TMEM222: variants seen among roughly 807,000 people sequenced by gnomAD.
The protein encoded by TMEM222 is transmembrane protein 222, also known as chromosome 1 open reading frame 160.
TMEM222 carries 18 observed loss-of-function variants against 25.1 expected under a neutral mutation model. The observed-to-expected ratio is 0.72, with a 90% CI of 0.50 to 1.06. The LOEUF is 1.06. TMEM222 is among the 50% of genes least tolerant of loss of function. The pLI is 0.00. For synonymous variants in TMEM222, 131 were observed against 117.9 expected, an observed-to-expected ratio of 1.11 and a Z score of -0.72; for missense variants, 296 against 293.7, an observed-to-expected ratio of 1.01 and a Z score of -0.06.
At chr1:27,324,603 T>C (rs1466354734) in intron 1 of TMEM222, among the ~76,000 whole-genome samples, 2 of 152,228 alleles carry the variant, frequency 1.3e-5, no homozygotes, top group Non-Finnish European at 2.9e-5. Context: ...AAAGGGTTCA[T>C]GTTCCCTTCT....
rs889744643 is a variant in TMEM222, at chr1:27,335,709, C to G, written c.*243C>G. ...GGCCTGTGACTCCGGCCCTGGAAGC[C>G]CCTTTGTTCTTCTGTTGAAAGGCTT... On this transcript the variant is annotated 3_prime_UTR_variant, in exon 6 of 6. Coordinates refer to ENST00000374076, the MANE Select transcript of TMEM222 (RefSeq NM_032125.3). 18 of 561,782 alleles carry G rather than the reference C, an allele frequency of 3.2e-5. No homozygotes were observed. Among genetic ancestry groups the G allele is most frequent in the Non-Finnish European group, 5.1e-5 (16 of 313,010 alleles). 34.8% of individuals were successfully genotyped at this position (561,782 alleles called of 1,614,324 possible). A position where few individuals can be genotyped will look rare whatever the true frequency, so the allele number is the denominator to read the frequency against.
chr1:27,330,871 G>A, intron 2 of TMEM222, 67 bp downstream of exon 2: 2 of 1,600,412 alleles, frequency 1.2e-6, no homozygotes, highest in East Asian at 4.5e-5. Context: ...TGTCTTGCCT[G>A]CAGGCAGGCT....
At chr1:27,325,474 T>C in intron 1 of TMEM222, 1 of 1,425,554 alleles carries the variant, frequency 7.0e-7, no homozygotes, top group Non-Finnish European at 9.9e-7. Context: ...TTCCTGGGTA[T>C]GGAATCTTGC....
intron 3 of TMEM222, chr1:27,332,663 G>A (rs1279190548): frequency 6.3e-6 from 4 of 634,296 alleles, no homozygotes; most frequent in Admixed American, 2.3e-5. Flanking sequence ...AGTCATCAGT[G>A]TCCTCAGGTG....
chr1:27,333,457 T>G, intron 3 of TMEM222: 3 of 469,278 alleles, frequency 6.4e-6, no homozygotes, highest in Non-Finnish European at 1.3e-5. Context: ...ACAACAGAAA[T>G]GTATTTCTCA....
chr1:27,328,114 G>A (rs1318989467), intron 1 of TMEM222, among the ~76,000 whole-genome samples: 1 of 152,214 alleles, frequency 6.6e-6, no homozygotes, highest in African/African-American at 2.4e-5. Flanking sequence ...AAGCATTGTA[G>A]TGGGATCTGG....
rs1020384827 is a variant in TMEM222, at chr1:27,334,186, G to C, written c.444G>C (p.Val148=). The C allele has an allele frequency of 6.2e-7, 1 of 1,614,084 alleles. No individual in the cohort carries two copies. The highest frequency in any genetic ancestry group is 1.3e-5 in the African/African-American group (1 of 74,942). ...NLCCDNCHSH[V]ALALNLMRYN... is the part of the protein sequence containing the mutation. ...GCTGTGACAACTGCCACTCGCACGT[G>C]GCATTGGCCCTGAATCTGATGCGCT... The change falls in exon 5 of 6, where the codon GTG becomes GTC. Residue 148 remains valine, a synonymous_variant. Coordinates refer to ENST00000374076, the MANE Select transcript of TMEM222 (RefSeq NM_032125.3).
At chr1:27,329,776 G>A (rs1284124898) in intron 1 of TMEM222, among the ~76,000 whole-genome samples, 1 of 152,240 alleles carries the variant, frequency 6.6e-6, no homozygotes, top group Non-Finnish European at 1.5e-5. Context: ...AACTGCTGAG[G>A]CATTTAGTAT....
intron 2 of TMEM222, 53 bp from the exon 3 acceptor site, chr1:27,332,017 C>A: frequency 6.2e-7 from 1 of 1,608,618 alleles, no homozygotes; most frequent in South Asian, 1.1e-5. Context: ...CCAGGTTTGT[C>A]ATCTGGCCCA....
At chr1:27,332,743 G>A in intron 3 of TMEM222, 1 of 564,486 alleles carries the variant, frequency 1.8e-6, no homozygotes, top group East Asian at 3.0e-5. Flanking sequence ...ACACAGCTGA[G>A]ATGGCCTGGA....
intron 5 of TMEM222, chr1:27,334,814 G>C: frequency 1.8e-6 from 2 of 1,093,210 alleles, no homozygotes; most frequent in Non-Finnish European, 2.3e-6. Context: ...ATCATTAAGA[G>C]GTTCTGAAAA....
At position 27,335,554 on chromosome 1, in the gene TMEM222, A is replaced by G; in HGVS notation, c.*88A>G. 4 of 1,357,376 alleles carry G rather than the reference A, an allele frequency of 2.9e-6. No homozygotes were observed. Among genetic ancestry groups the G allele is most frequent in the Middle Eastern group, 1.8e-4 (1 of 5,578 alleles). 84.1% of individuals were successfully genotyped at this position (1,357,376 alleles called of 1,614,324 possible). ...TCCAGATTTTTTTCTCCTCACCCCA[A>G]AAGGCAGGGTTGGGCCTGCTGTTGT... On this transcript the variant is annotated 3_prime_UTR_variant, in exon 6 of 6. Coordinates refer to ENST00000374076, the MANE Select transcript of TMEM222 (RefSeq NM_032125.3).
At chr1:27,322,447 T>C in intron 1 of TMEM222, 56 bp downstream of exon 1, 1 of 1,317,862 alleles carries the variant, frequency 7.6e-7, no homozygotes, top group Non-Finnish European at 9.8e-7. Context: ...AGAGCCGGAG[T>C]CGGGCCGGGC....
intron 5 of TMEM222, chr1:27,334,803 C>A: frequency 9.1e-7 from 1 of 1,104,354 alleles, no homozygotes. Flanking sequence ...TAGCCACGTT[C>A]ATCATTAAGA....
intron 3 of TMEM222, chr1:27,333,087 C>A (rs1313623807): frequency 6.0e-6 from 2 of 335,862 alleles, no homozygotes; most frequent in African/African-American, 4.3e-5. Flanking sequence ...CTGCCACTCA[C>A]CCTGGCAAGC....
At chr1:27,332,249 AT>A in intron 3 of TMEM222, 148 bp downstream of exon 3, 3 of 879,124 alleles carry the variant, frequency 3.4e-6, no homozygotes, top group Non-Finnish European at 5.6e-6. Flanking sequence ...CCACCAGAGC[AT>A]GGCAACCCCA....
At chr1:27,334,970 G>A (rs894603906) in intron 5 of TMEM222, 1 of 337,592 alleles carries the variant, frequency 3.0e-6, no homozygotes, top group African/African-American at 2.1e-5. Flanking sequence ...CAGCCCCAGA[G>A]CTCCCAGTAG....
intron 3 of TMEM222, chr1:27,333,689 T>G: frequency 2.0e-6 from 1 of 503,802 alleles, no homozygotes; most frequent in Non-Finnish European, 3.6e-6. Context: ...CCTTGAGGGT[T>G]AAGATTTCAA....
chr1:27,324,596 G>A (rs373655769), intron 1 of TMEM222, among the ~76,000 whole-genome samples: 6 of 152,192 alleles, frequency 3.9e-5, no homozygotes, highest in African/African-American at 1.4e-4. Flanking sequence ...TCCTGTCAAA[G>A]GGTTCATGTT....
Sources: gnomAD v4.1 joint callset for allele counts (sites outside exome capture counted in the v4.1 genomes callset) on GRCh38, gnomAD v4.1.1 for gene constraint, MANE v1.5 for transcripts, NCBI Gene and HGNC (gene_info 2026-07-23, HGNC 2026-07-21) for gene names.